Variants in PDE4C observed in about 807,000 individuals in gnomAD.
PDE4C encodes the protein 3',5'-cyclic-AMP phosphodiesterase 4C.
PDE4C carries 50 observed loss-of-function variants against 63.9 expected under a neutral mutation model. The ratio of observed to expected loss-of-function variants is 0.78; its 90% CI spans 0.62 to 0.99. The LOEUF is 0.99. Among genes scored for constraint, PDE4C ranks in the 50% least tolerant of loss-of-function variants. The pLI is 0.00. For synonymous variants in PDE4C, 377 were observed against 385.1 expected, an observed-to-expected ratio of 0.98 and a Z score of 0.25; for missense variants, 777 against 899.1, an observed-to-expected ratio of 0.86 and a Z score of 1.74.
intron 7 of PDE4C, 57 bp from the exon 8 acceptor site, chr19:18,219,454 C>T: frequency 6.6e-7 from 1 of 1,514,704 alleles, no homozygotes; most frequent in Non-Finnish European, 8.8e-7. Context: ...TGGGGCCTGG[C>T]CTCAGGACCT....
chr19:18,223,083 A>G (rs1968563062), intron 1 of PDE4C, among the ~76,000 whole-genome samples: 1 of 151,254 alleles, frequency 6.6e-6, no homozygotes, highest in South Asian at 2.1e-4. Flanking sequence ...GCAGTTATCC[A>G]TGCTGGAGTG....
At chr19:18,236,575 C>G (rs371650488), upstream of PDE4C, among the ~76,000 whole-genome samples, 32 of 152,262 alleles carry the variant, frequency 2.1e-4, no homozygotes, top group African/African-American at 7.7e-4. Flanking sequence ...CCTGAGCCCC[C>G]TCGATGTGAG....
chr19:18,233,602 G>A (rs926705749), exon 1 of PDE4C: 1 of 460,644 alleles, frequency 2.2e-6, no homozygotes, highest in Non-Finnish European at 4.3e-6. Flanking sequence ...CAGGGAGACA[G>A]GGTCTCAGGA....
At chr19:18,226,325 A>G in exon 1 of PDE4C, 1 of 1,564,172 alleles carries the variant, frequency 6.4e-7, no homozygotes, top group Admixed American at 1.9e-5. Flanking sequence ...TGATTCACCA[A>G]AAGCTTCCTG....
chr19:18,238,833 A>T (rs1421696775), intron 1 of PDE4C, among the ~76,000 whole-genome samples: 1 of 152,000 alleles, frequency 6.6e-6, no homozygotes, highest in Admixed American at 6.6e-5. Flanking sequence ...TCTACTAAAA[A>T]TACGAAAATT....
intron 1 of PDE4C, among the ~76,000 whole-genome samples, chr19:18,246,157 A>G (rs1969126674): frequency 6.8e-6 from 1 of 147,420 alleles, no homozygotes; most frequent in Non-Finnish European, 1.5e-5. Flanking sequence ...CTGGGATTAC[A>G]GGTGCCCGCC....
At chr19:18,236,232 T>A (rs892277527), upstream of PDE4C, among the ~76,000 whole-genome samples, 54 of 151,200 alleles carry the variant, frequency 3.6e-4, no homozygotes, top group African/African-American at 1.3e-3. Context: ...AGTGAGCCAC[T>A]GCACCCGGCC....
exon 1 of PDE4C, chr19:18,233,645 C>A (rs1207240836): frequency 1.8e-5 from 7 of 388,486 alleles, no homozygotes; most frequent in African/African-American, 4.2e-5. Flanking sequence ...TCCCTCGCAC[C>A]GTGTTGAAAG....
chr19:18,226,566 G>A (rs1480918543), upstream of PDE4C: 17 of 465,454 alleles, frequency 3.7e-5, no homozygotes, highest in Non-Finnish European at 2.2e-5. Flanking sequence ...GGGACAAACG[G>A]GGAAACTGAG....
intron 1 of PDE4C, among the ~76,000 whole-genome samples, chr19:18,244,330 T>G (rs1969093985): frequency 6.6e-6 from 1 of 151,714 alleles, no homozygotes; most frequent in African/African-American, 2.4e-5. Context: ...CGTCTCACTC[T>G]GTCACCCAGG....
chr19:18,243,198 C>T (rs1908477145), intron 1 of PDE4C, among the ~76,000 whole-genome samples: 2 of 152,092 alleles, frequency 1.3e-5, no homozygotes, highest in South Asian at 2.1e-4. Context: ...CAACCTCTGC[C>T]TCCCATTTTC....
At chr19:18,250,372 C>A, upstream of PDE4C, 1 of 399,166 alleles carries the variant, frequency 2.5e-6, no homozygotes, top group Non-Finnish European at 4.4e-6. Flanking sequence ...ATCTCACAGC[C>A]ATGACCACAG....
intron 1 of PDE4C, among the ~76,000 whole-genome samples, chr19:18,244,053 T>C (rs1035652180): frequency 6.6e-6 from 1 of 151,862 alleles, no homozygotes. Flanking sequence ...TTTTTATTTT[T>C]AGTAGAGACA....
chr19:18,235,766 G>A (rs376936202), upstream of PDE4C, among the ~76,000 whole-genome samples: 21 of 151,736 alleles, frequency 1.4e-4, no homozygotes, highest in African/African-American at 3.9e-4. Flanking sequence ...CCTACTTCCC[G>A]GGGCTCCCCT....
rs1375002805 is a variant in PDE4C, at chr19:18,220,577, G to T, written c.500-62C>A. 3 of 1,407,636 alleles carry T rather than the reference G, an allele frequency of 2.1e-6. No individual in the cohort carries two copies. The highest frequency in any genetic ancestry group is 2.4e-5 in the South Asian group (2 of 83,438). 87.2% of individuals were successfully genotyped at this position (1,407,636 alleles called of 1,614,324 possible). The stretch of plus-strand genomic sequence containing the variant: ...CCCGCTCAGGGACCCCACGCCTCTC[G>T]CGACTTCGTCTCTTCATCTGGACCC... On this transcript the variant is annotated intron_variant, in intron 5 of 14. Transcript: ENST00000262805. The surrounding 1 kb of genome is among the most constrained non-coding windows in gnomAD (Gnocchi z 5.1).
Position 18,243,216 on chromosome 19 carries a change from TCTC to T in PDE4C, c.-210+4952_-210+4954del, listed in dbSNP as rs946118934. 6.4e-4 allele frequency among the ~76,000 whole-genome samples: 97 copies of T among 151,938 alleles called. 2 individuals carry two copies. Among genetic ancestry groups the T allele is most frequent in the Non-Finnish European group, 2.1e-4 (14 of 67,980 alleles). On this transcript the variant is annotated intron_variant, in intron 1 of 15. Coordinates refer to the PDE4C transcript ENST00000594617. ...CCTCTGCCTCCCATTTTCAAGCAATTCTCCTGCCTCAGCCTCCCGAGTAGCTGG... is the reference window on the plus strand; with the variant it reads ...CCTCTGCCTCCCATTTTCAAGCAATTCTGCCTCAGCCTCCCGAGTAGCTGG...
intron 1 of PDE4C, among the ~76,000 whole-genome samples, chr19:18,242,496 A>AG: frequency 7.4e-6 from 1 of 135,760 alleles, no homozygotes; most frequent in Non-Finnish European, 1.6e-5. Context: ...AAAAAAAAAA[A>AG]AAAAGCCAGG....
chr19:18,208,868 A>G (rs1967805383), downstream of PDE4C: 1 of 152,094 alleles, frequency 6.6e-6, no homozygotes. Flanking sequence ...AGTCTGAGGC[A>G]GTTTCAGGAA....
At chr19:18,252,443 C>G (rs1426121578), upstream of PDE4C, 1 of 398,998 alleles carries the variant, frequency 2.5e-6, no homozygotes, top group Non-Finnish European at 4.4e-6. Context: ...CAGGTGATGT[C>G]TCCATACTGT....
Sources: allele counts gnomAD v4.1 joint callset (sites outside exome capture counted in the v4.1 genomes callset), GRCh38; gene constraint gnomAD v4.1.1; non-coding constraint Gnocchi (gnomAD v3.1); transcripts MANE v1.5; gene names NCBI Gene and HGNC (gene_info 2026-07-23, HGNC 2026-07-21).